Variants in GULP1 observed in about 807,000 individuals in gnomAD.
GULP1 encodes the protein PTB domain-containing engulfment adapter protein 1.
A neutral mutation model predicts 40.9 loss-of-function variants in GULP1; 19 were observed. The observed-to-expected ratio is 0.46, with a 90% CI of 0.32 to 0.68. The LOEUF (loss-of-function observed/expected upper bound fraction) is 0.68. GULP1 is among the 30% of genes least tolerant of loss of function. The pLI is 0.03. For missense variants in GULP1, 312 were observed against 362.2 expected, an observed-to-expected ratio of 0.86 and a Z score of 1.12; for synonymous variants, 119 against 117.6, an observed-to-expected ratio of 1.01 and a Z score of -0.08.
chr2:188,490,742 G>T (rs768109010), intron 4 of GULP1, among the ~76,000 whole-genome samples: 2 of 152,060 alleles, frequency 1.3e-5, no homozygotes, highest in Admixed American at 6.6e-5. Context: ...TTTTCTGAAA[G>T]TTGAACATAT....
intron 1 of GULP1, among the ~76,000 whole-genome samples, chr2:188,331,045 G>A (rs2041504975): frequency 1.3e-5 from 2 of 152,162 alleles, no homozygotes; most frequent in African/African-American, 4.8e-5. Context: ...AGATTTGAGA[G>A]CTGCCTTATG....
intron 4 of GULP1, among the ~76,000 whole-genome samples, chr2:188,502,510 A>G (rs2153161408): frequency 6.6e-6 from 1 of 152,036 alleles, no homozygotes; most frequent in East Asian, 1.9e-4. Context: ...TATTACTAAA[A>G]GGTTAAAATT....
intron 9 of GULP1, among the ~76,000 whole-genome samples, chr2:188,579,852 T>A (rs114961463): frequency 6.6e-6 from 1 of 152,308 alleles, no homozygotes; most frequent in African/African-American, 2.4e-5. Context: ...CAAGTAAGGT[T>A]ATTTTGACCT....
chr2:188,481,888 A>C (rs953939068), intron 3 of GULP1, among the ~76,000 whole-genome samples: 1 of 152,112 alleles, frequency 6.6e-6, no homozygotes, highest in African/African-American at 2.4e-5. Context: ...AATGTATAAA[A>C]GCAAGACTAT....
intron 4 of GULP1, among the ~76,000 whole-genome samples, chr2:188,504,116 G>A (rs2063692605): frequency 6.6e-6 from 1 of 151,826 alleles, no homozygotes; most frequent in African/African-American, 2.4e-5. Flanking sequence ...CTAAGGAGCA[G>A]AAATAATTCA....
At chr2:188,411,399 T>C (rs1489389979) in intron 2 of GULP1, among the ~76,000 whole-genome samples, 1 of 152,156 alleles carries the variant, frequency 6.6e-6, no homozygotes, top group Non-Finnish European at 1.5e-5. Flanking sequence ...CAGGTCAGAC[T>C]TGATGAGTGG....
chr2:188,446,542 T>C (rs547600797), intron 2 of GULP1, among the ~76,000 whole-genome samples: 1 of 152,092 alleles, frequency 6.6e-6, no homozygotes, highest in Admixed American at 6.6e-5. Flanking sequence ...TCAACTTTGC[T>C]TTTTGGGTTT....
chr2:188,515,363 A>G (rs2153220019), intron 4 of GULP1, among the ~76,000 whole-genome samples: 1 of 152,280 alleles, frequency 6.6e-6, no homozygotes, highest in Non-Finnish European at 1.5e-5. Context: ...CGCTCTTTTC[A>G]ATCTCTCAGC....
intron 2 of GULP1, among the ~76,000 whole-genome samples, chr2:188,453,573 G>A (rs1331631883): frequency 1.3e-5 from 2 of 152,060 alleles, no homozygotes; most frequent in Non-Finnish European, 2.9e-5. Flanking sequence ...GAGTACATGG[G>A]GACTCTGAGT....
intron 7 of GULP1, among the ~76,000 whole-genome samples, chr2:188,558,629 A>C (rs867919401): frequency 2.6e-5 from 4 of 152,308 alleles, no homozygotes; most frequent in Middle Eastern, 6.8e-3. Flanking sequence ...GCTCAGAAGA[A>C]GACAGGGAAA....
intron 2 of GULP1, among the ~76,000 whole-genome samples, chr2:188,395,254 A>G (rs774867794): frequency 6.6e-5 from 10 of 152,354 alleles, no homozygotes; most frequent in Non-Finnish European, 1.3e-4. Flanking sequence ...TATTTTGGCT[A>G]TTCAGATCAG....
chr2:188,445,133 G>A (rs548707944), intron 2 of GULP1, among the ~76,000 whole-genome samples: 303 of 152,216 alleles, frequency 2.0e-3, no homozygotes, highest in African/African-American at 6.1e-3. Context: ...CAGACTCTCC[G>A]ATGTTTCTTG....
intron 4 of GULP1, among the ~76,000 whole-genome samples, chr2:188,504,456 T>C (rs145791368): frequency 4.7e-3 from 715 of 152,050 alleles, no homozygotes; most frequent in South Asian, 0.018. Flanking sequence ...AATGTTGTTA[T>C]AACAATTATA....
intron 2 of GULP1, among the ~76,000 whole-genome samples, chr2:188,443,455 A>G (rs1213759021): frequency 6.6e-6 from 1 of 152,174 alleles, no homozygotes; most frequent in African/African-American, 2.4e-5. Context: ...TCAACATTCA[A>G]CACAATGGCT....
intron 2 of GULP1, among the ~76,000 whole-genome samples, chr2:188,415,053 A>G (rs1461585688): frequency 6.6e-6 from 1 of 152,158 alleles, no homozygotes. Context: ...AAGATGATTT[A>G]TAGCAGTATT....
At chr2:188,356,844 C>G (rs929735822) in intron 1 of GULP1, among the ~76,000 whole-genome samples, 2 of 152,052 alleles carry the variant, frequency 1.3e-5, no homozygotes, top group Non-Finnish European at 2.9e-5. Context: ...CAGCATGGTA[C>G]TGGCATTAAA....
At chr2:188,525,636 A>C (rs777026760) in intron 5 of GULP1, among the ~76,000 whole-genome samples, 1 of 152,198 alleles carries the variant, frequency 6.6e-6, no homozygotes, top group Non-Finnish European at 1.5e-5. Flanking sequence ...AAGCTTATCA[A>C]TTTCCCTGGG....
intron 1 of GULP1, among the ~76,000 whole-genome samples, chr2:188,295,381 T>G (rs1182835152): frequency 1.3e-5 from 2 of 152,214 alleles, no homozygotes; most frequent in African/African-American, 4.8e-5. Flanking sequence ...AGCACCGAAC[T>G]TCTCAGCTCT....
chr2:188,348,928 C>T (rs1421508250), intron 1 of GULP1, among the ~76,000 whole-genome samples: 1 of 152,146 alleles, frequency 6.6e-6, no homozygotes, highest in Non-Finnish European at 1.5e-5. Context: ...AAAGTAATAC[C>T]TTTTTCTCAA....
Sources: gnomAD v4.1 joint callset for allele counts (sites outside exome capture counted in the v4.1 genomes callset) on GRCh38, gnomAD v4.1.1 for gene constraint, MANE v1.5 for transcripts, NCBI Gene and HGNC (gene_info 2026-07-23, HGNC 2026-07-21) for gene names.